COPG2: variants seen among roughly 807,000 people sequenced by gnomAD.
COPG2 encodes the protein coat protein complex I subunit gamma 2, also known as coatomer subunit gamma-2.
A neutral mutation model predicts 46.3 loss-of-function variants in COPG2; 37 were observed. The observed-to-expected ratio is 0.80, with a 90% CI of 0.61 to 1.05. The LOEUF (loss-of-function observed/expected upper bound fraction) is 1.05. Ranked by LOEUF, COPG2 falls within the 50% of genes least tolerant of loss-of-function variation. The probability of loss-of-function intolerance (pLI) is 0.00; values close to 1 mark genes in which losing one functional copy is unlikely to be tolerated. For synonymous variants in COPG2, 159 were observed against 129.7 expected, an observed-to-expected ratio of 1.23 and a Z score of -1.53; for missense variants, 427 against 387.8, an observed-to-expected ratio of 1.10 and a Z score of -0.85.
At chr7:130,559,816 T>G (rs2116399991) in intron 12 of COPG2, among the ~76,000 whole-genome samples, 1 of 152,344 alleles carries the variant, frequency 6.6e-6, no homozygotes, top group South Asian at 2.1e-4. Flanking sequence ...AAAGTTTGTT[T>G]TTTAAAAGTC....
At chr7:130,656,932 A>G (rs1795871030) in intron 4 of COPG2, among the ~76,000 whole-genome samples, 1 of 150,442 alleles carries the variant, frequency 6.6e-6, no homozygotes, top group Admixed American at 6.6e-5. Context: ...TTTTATATCT[A>G]TATAAAAAGA....
At chr7:130,646,982 T>C (rs144481411) in intron 5 of COPG2, among the ~76,000 whole-genome samples, 4 of 1,752 alleles carry the variant, frequency 2.3e-3, no homozygotes, top group Non-Finnish European at 0.018. Context: ...TATATATATA[T>C]GTATATATAT....
At chr7:130,667,827 A>C (rs782333332) in intron 1 of COPG2, among the ~76,000 whole-genome samples, 10 of 152,060 alleles carry the variant, frequency 6.6e-5, no homozygotes, top group Non-Finnish European at 1.3e-4. Context: ...ACAACAACGA[A>C]GATTAATGAG....
Position 130,668,656 on chromosome 7 carries a change from A to G in COPG2, c.13T>C (p.Phe5Leu). The change falls in exon 1 of 24, where the codon TTC becomes CTC. Residue 5 changes from phenylalanine to leucine, a missense_variant. Physicochemically the swap from Phe to Leu is conservative, Grantham distance 22. Coordinates refer to ENST00000425248, the MANE Select transcript of COPG2 (RefSeq NM_012133.6). ...CCAGACTCCTCGTCCTTCTTGTCGA[A>G]TTTTTTAATCATCTTGGACGACTTC... The part of the protein sequence containing the change: MIKK[F>L]DKKDEESGSG... The G allele has an allele frequency of 6.5e-7, 1 of 1,544,122 alleles. No homozygotes were observed.
intron 9 of COPG2, among the ~76,000 whole-genome samples, chr7:130,577,683 C>T (rs567348105): frequency 1.3e-3 from 202 of 150,566 alleles, no homozygotes; most frequent in African/African-American, 4.5e-3. Flanking sequence ...ATGGCGTGAA[C>T]CCGGGAAGCG....
chr7:130,593,459 A>C (rs1438235379), intron 9 of COPG2, among the ~76,000 whole-genome samples: 1 of 152,220 alleles, frequency 6.6e-6, no homozygotes, highest in Non-Finnish European at 1.5e-5. Flanking sequence ...GCAAAACAAG[A>C]GCTGGAAAAT....
intron 9 of COPG2, chr7:130,608,338 A>G (rs889869796): frequency 1.7e-5 from 5 of 299,796 alleles, no homozygotes; most frequent in South Asian, 1.3e-4. Context: ...AAAATTGTAT[A>G]TATTTATAAT....
chr7:130,508,452 G>T, intron 21 of COPG2, 110 bp downstream of exon 21: 1 of 635,888 alleles, frequency 1.6e-6, no homozygotes, highest in Non-Finnish European at 2.9e-6. Flanking sequence ...CAGAAGAATA[G>T]AAATCCCTTA....
intron 9 of COPG2, among the ~76,000 whole-genome samples, chr7:130,577,786 AAAC>A: frequency 1.3e-5 from 2 of 150,594 alleles, no homozygotes; most frequent in African/African-American, 4.9e-5. Flanking sequence ...AAAAAAAAAA[AAAC>A]AAAAAAAAAA....
intron 20 of COPG2, among the ~76,000 whole-genome samples, chr7:130,517,147 A>G (rs1358928051): frequency 6.6e-6 from 1 of 152,140 alleles, no homozygotes; most frequent in African/African-American, 2.4e-5. Context: ...TGCTGATGTG[A>G]GGGGATGACT....
At chr7:130,599,947 T>G (rs1361637991) in intron 9 of COPG2, among the ~76,000 whole-genome samples, 1 of 152,168 alleles carries the variant, frequency 6.6e-6, no homozygotes, top group African/African-American at 2.4e-5. Flanking sequence ...CAGTTTTCAC[T>G]TTAAAATTTT....
intron 9 of COPG2, chr7:130,604,600 T>G (rs1794695553): frequency 2.9e-6 from 1 of 347,990 alleles, no homozygotes; most frequent in South Asian, 2.6e-5. Flanking sequence ...TTCCTATATA[T>G]ATAGCCATAT....
In COPG2 at chr7:130,621,943, CAAAAAAAAAAAAA is replaced by C. The variant is rs562107230; in HGVS notation, c.324-4891_324-4879del. Among the ~76,000 whole-genome samples the C allele has an allele frequency of 1.5e-4, 10 of 67,538 alleles. No individual in the cohort carries two copies. The East Asian group carries it at 5.8e-3, about 39-fold the overall frequency. 44.3% of individuals were successfully genotyped at this position (67,538 alleles called of 152,430 possible). A position where few individuals can be genotyped will look rare whatever the true frequency, so the allele number is the denominator to read the frequency against. On this transcript the variant is annotated intron_variant, in intron 5 of 23. Coordinates refer to ENST00000425248, the MANE Select transcript of COPG2 (RefSeq NM_012133.6). ...TGGGAGACAGAGCGAGACTCCATCTCAAAAAAAAAAAAAAAAAAAAAAAGACAACAAAAAAACT... is the reference window on the plus strand; with the variant it reads ...TGGGAGACAGAGCGAGACTCCATCTCAAAAAAAAAAGACAACAAAAAAACT...
intron 9 of COPG2, among the ~76,000 whole-genome samples, chr7:130,577,219 C>A (rs1244213155): frequency 2.0e-5 from 3 of 152,204 alleles, no homozygotes; most frequent in Non-Finnish European, 4.4e-5. Flanking sequence ...GTGTGAGCGA[C>A]GCAGAAGACC....
intron 5 of COPG2, among the ~76,000 whole-genome samples, chr7:130,624,988 T>C (rs1795093552): frequency 6.6e-6 from 1 of 152,254 alleles, no homozygotes; most frequent in Non-Finnish European, 1.5e-5. Context: ...AGAATCTCTA[T>C]ACTGTTTTCC....
intron 20 of COPG2, among the ~76,000 whole-genome samples, chr7:130,526,275 GA>G (rs1799773401): frequency 6.6e-6 from 1 of 152,152 alleles, no homozygotes; most frequent in Admixed American, 6.5e-5. Context: ...AGAGAGGAAG[GA>G]AAAGTTTGAG....
At chr7:130,618,894 A>G (rs1794992957) in intron 5 of COPG2, among the ~76,000 whole-genome samples, 2 of 152,132 alleles carry the variant, frequency 1.3e-5, no homozygotes. Flanking sequence ...CTAATTATTA[A>G]TACCTTCACC....
At chr7:130,639,997 C>T (rs2116197409) in intron 5 of COPG2, among the ~76,000 whole-genome samples, 1 of 152,212 alleles carries the variant, frequency 6.6e-6, no homozygotes, top group East Asian at 1.9e-4. Context: ...TGGTAGGTTT[C>T]TTCCGAGGGT....
chr7:130,521,391 AC>A (rs1799721955), intron 20 of COPG2, among the ~76,000 whole-genome samples: 2 of 152,222 alleles, frequency 1.3e-5, no homozygotes, highest in South Asian at 4.1e-4. Flanking sequence ...GCAGTTCAGC[AC>A]AGTATGCTGG....
Sources: allele counts gnomAD v4.1 joint callset (sites outside exome capture counted in the v4.1 genomes callset), GRCh38; gene constraint gnomAD v4.1.1; transcripts MANE v1.5; gene names NCBI Gene and HGNC (gene_info 2026-07-23, HGNC 2026-07-21).